Variants in TFB1M observed in about 807,000 individuals in gnomAD.
The protein encoded by TFB1M is dimethyladenosine transferase 1, mitochondrial.
TFB1M carries 27 observed loss-of-function variants against 31.1 expected under a neutral mutation model. That is an observed-to-expected ratio of 0.87 (90% confidence interval 0.64 to 1.20). The LOEUF is 1.20. Ranked by LOEUF, TFB1M falls within the 50% of genes most tolerant of loss-of-function variation. The pLI, the probability that TFB1M is intolerant of heterozygous loss-of-function variation, is 0.00. For missense variants in TFB1M, 394 were observed against 418.7 expected, an observed-to-expected ratio of 0.94 and a Z score of 0.51; for synonymous variants, 166 against 151.8, an observed-to-expected ratio of 1.09 and a Z score of -0.69.
chr6:155,252,946 A>G (rs1783759566), downstream of TFB1M: 5 of 1,613,750 alleles, frequency 3.1e-6, no homozygotes, highest in Non-Finnish European at 4.2e-6. Context: ...TTCATGTTAC[A>G]GCCCTCGAAT....
chr6:155,304,429 G>C (rs1446532001), intron 2 of TFB1M, among the ~76,000 whole-genome samples: 1 of 152,114 alleles, frequency 6.6e-6, no homozygotes, highest in Non-Finnish European at 1.5e-5. Flanking sequence ...TGGAGTCTAA[G>C]GGACCAGGCA....
the TFB1M span, chr6:155,240,536 G>A: frequency 2.5e-6 from 4 of 1,611,792 alleles, no homozygotes; most frequent in South Asian, 1.1e-5. Flanking sequence ...TCAGAGTGCT[G>A]AGCAGATCAC....
At chr6:155,254,664 C>A, downstream of TFB1M, 1 of 1,496,516 alleles carries the variant, frequency 6.7e-7, no homozygotes, top group South Asian at 1.3e-5. Flanking sequence ...TGTGACTTTT[C>A]ACTTTGTAAG....
chr6:155,277,116 G>A (rs1785263726), intron 5 of TFB1M, among the ~76,000 whole-genome samples: 1 of 152,164 alleles, frequency 6.6e-6, no homozygotes, highest in Non-Finnish European at 1.5e-5. Flanking sequence ...GTTTTAAAAT[G>A]TTTAAGAACT....
At chr6:155,271,440 G>A (rs1178818071) in intron 5 of TFB1M, among the ~76,000 whole-genome samples, 4 of 152,130 alleles carry the variant, frequency 2.6e-5, no homozygotes, top group Non-Finnish European at 4.4e-5. Context: ...CTAAGTGGAA[G>A]CAATAACAAG....
chr6:155,260,254 G>GAAGAA lies in TFB1M; in HGVS notation c.794+14_794+18dup. 1 of 1,613,882 alleles carries GAAGAA rather than the reference G, an allele frequency of 6.2e-7. No homozygotes were observed. The highest frequency in any genetic ancestry group is 8.5e-7 in the Non-Finnish European group (1 of 1,179,728). ...ATTTTATAAAGACTGCAACTGAAGA[G>GAAGAA]AAGAAAAGGCATTCTTACCTGAGCC... On this transcript the variant is annotated intron_variant, in intron 6 of 6. Transcript: ENST00000367166.
Position 155,314,335 on chromosome 6 carries a change from G to A in TFB1M, c.94C>T (p.Gln32Ter). The change falls in exon 1 of 7, where the codon CAG becomes TAG. Residue 32 changes from glutamine to a stop codon, truncating the protein, a stop_gained. Transcript: ENST00000367166. LOFTEE classifies it high-confidence loss of function. Reference sequence around the variant, plus strand: ...TCCAGGAGGAAATTCTGTGATAGCTGCTTCGCTGCTTGCAGTCTTAACAAC... The same window carrying A: ...TCCAGGAGGAAATTCTGTGATAGCTACTTCGCTGCTTGCAGTCTTAACAAC... ...IKLLRLQAAK[Q>*]LSQNFLLDLR... 6.2e-7 allele frequency: 1 copy of A among 1,614,236 alleles called. No individual in the cohort carries two copies. Among genetic ancestry groups the A allele is most frequent in the Non-Finnish European group, 8.5e-7 (1 of 1,180,042 alleles).
At chr6:155,253,881 C>T (rs1783831231), downstream of TFB1M, 4 of 928,730 alleles carry the variant, frequency 4.3e-6, no homozygotes, top group Non-Finnish European at 6.5e-6. Context: ...ATTAGACTTT[C>T]TTAACTGATG....
intron 5 of TFB1M, among the ~76,000 whole-genome samples, chr6:155,277,016 T>C (rs1214367610): frequency 2.6e-5 from 4 of 152,270 alleles, no homozygotes; most frequent in African/African-American, 9.6e-5. Flanking sequence ...AATTGGTAAA[T>C]GCTACCACAG....
intron 5 of TFB1M, among the ~76,000 whole-genome samples, chr6:155,272,265 G>T (rs75979782): frequency 6.6e-6 from 1 of 151,992 alleles, no homozygotes; most frequent in Non-Finnish European, 1.5e-5. Flanking sequence ...TATTTAGTTC[G>T]AATTATAAGC....
Position 155,276,025 on chromosome 6 carries a change from G to A in TFB1M, c.666+9133C>T, listed in dbSNP as rs748397730. 19 of 1,614,060 alleles carry A rather than the reference G, an allele frequency of 1.2e-5. No individual in the cohort carries two copies. The South Asian group carries it at 2.0e-4, about 17-fold the overall frequency. On this transcript the variant is annotated intron_variant, in intron 5 of 6. Transcript: ENST00000367166. Reference sequence around the variant, plus strand: ...GGATCTGCACTTCCACAGTAGGAATGAAATGTACTCGCTTAGGAGGGGACA... The same window carrying A: ...GGATCTGCACTTCCACAGTAGGAATAAAATGTACTCGCTTAGGAGGGGACA...
chr6:155,297,439 C>A (rs980186375), intron 3 of TFB1M, among the ~76,000 whole-genome samples: 18 of 152,072 alleles, frequency 1.2e-4, no homozygotes, highest in Admixed American at 1.2e-3. Context: ...TATGGAACAC[C>A]TAGATGAAGC....
At chr6:155,297,318 G>A (rs150319543) in intron 3 of TFB1M, among the ~76,000 whole-genome samples, 213 of 152,072 alleles carry the variant, frequency 1.4e-3, no homozygotes, top group African/African-American at 4.8e-3. Context: ...CTTAATTACT[G>A]CTCAGTTACT....
chr6:155,256,708 A>C lies in TFB1M; in HGVS notation c.*1128T>G. The stretch of plus-strand genomic sequence containing the variant: ...TTTTGCCGACAATCTCATCAAAGAG[A>C]GTGACATCCTGAGCGATGAAGATGA... On this transcript the variant is annotated 3_prime_UTR_variant, in exon 7 of 7. Transcript: ENST00000367166. The C allele has an allele frequency of 6.2e-7, 1 of 1,614,226 alleles. No individual in the cohort carries two copies. Among genetic ancestry groups the C allele is most frequent in the Non-Finnish European group, 8.5e-7 (1 of 1,180,044 alleles).
chr6:155,242,097 C>T, the TFB1M span, among the ~76,000 whole-genome samples: 1 of 152,212 alleles, frequency 6.6e-6, no homozygotes, highest in African/African-American at 2.4e-5. Context: ...TCTCCCTTCT[C>T]TCTGCAAGAA....
intron 5 of TFB1M, among the ~76,000 whole-genome samples, chr6:155,281,295 A>G (rs1785486376): frequency 6.6e-6 from 1 of 152,256 alleles, no homozygotes; most frequent in South Asian, 2.1e-4. Flanking sequence ...TCTCAAAACT[A>G]GCAGTACTGG....
At position 155,257,759 on chromosome 6, in the gene TFB1M, G is replaced by C. The variant is rs1010713222; in HGVS notation, c.*77C>G. On this transcript the variant is annotated 3_prime_UTR_variant, in exon 7 of 7. Coordinates refer to ENST00000367166, the MANE Select transcript of TFB1M (RefSeq NM_016020.4). ...GGCATTTGTATCGTCATTCTGTAAAGACAAAAGAGTACCTATATAAGAAGC... is the reference window on the plus strand; with the variant it reads ...GGCATTTGTATCGTCATTCTGTAAACACAAAAGAGTACCTATATAAGAAGC... 2 of 1,564,818 alleles carry C rather than the reference G, an allele frequency of 1.3e-6. No homozygotes were observed. Among genetic ancestry groups the C allele is most frequent in the African/African-American group, 2.7e-5 (2 of 73,188 alleles).
intron 4 of TFB1M, among the ~76,000 whole-genome samples, chr6:155,290,720 C>T (rs1311712049): frequency 1.3e-5 from 2 of 152,136 alleles, no homozygotes; most frequent in African/African-American, 4.8e-5. Flanking sequence ...TCCCCCCACA[C>T]AAATAGAGTA....
chr6:155,314,093 G>T, intron 1 of TFB1M: 1 of 1,453,724 alleles, frequency 6.9e-7, no homozygotes, highest in Non-Finnish European at 9.0e-7. Flanking sequence ...CCCGAACGCG[G>T]AGTTTTGTGA....
Sources: gnomAD v4.1 joint callset for allele counts (sites outside exome capture counted in the v4.1 genomes callset) on GRCh38, gnomAD v4.1.1 for gene constraint, MANE v1.5 for transcripts, NCBI Gene and HGNC (gene_info 2026-07-23, HGNC 2026-07-21) for gene names.